Variants in FER observed in about 807,000 individuals in gnomAD.
The protein encoded by FER is FER tyrosine kinase.
A neutral mutation model predicts 111.0 loss-of-function variants in FER; 63 were observed. That is an observed-to-expected ratio of 0.57 (90% confidence interval 0.46 to 0.70). FER has a LOEUF of 0.70. Among genes scored for constraint, FER ranks in the 30% least tolerant of loss-of-function variants. The pLI is 0.00. For synonymous variants in FER, 327 were observed against 313.9 expected (o/e 1.04, Z -0.44); for missense variants, 914 against 954.0 (o/e 0.96, Z 0.55).
chr5:108,918,226 G>A (rs1752513471), intron 10 of FER, among the ~76,000 whole-genome samples: 1 of 152,126 alleles, frequency 6.6e-6, no homozygotes, highest in African/African-American at 2.4e-5. Context: ...TCATTGTATT[G>A]AGCCCTGATA....
chr5:109,000,961 T>G (rs1250711304), intron 13 of FER, among the ~76,000 whole-genome samples: 1 of 152,058 alleles, frequency 6.6e-6, no homozygotes, highest in Non-Finnish European at 1.5e-5. Context: ...CAGGAAGAAG[T>G]TGAATCTCTG....
At chr5:108,751,120 A>T (rs1364476017) in intron 1 of FER, among the ~76,000 whole-genome samples, 10 of 152,180 alleles carry the variant, frequency 6.6e-5, no homozygotes, top group Admixed American at 6.5e-4. Flanking sequence ...TGAACCCGTG[A>T]GGCGGAGGTT....
At chr5:108,785,109 G>C (rs1754539095) in intron 2 of FER, 1 of 485,552 alleles carries the variant, frequency 2.1e-6, no homozygotes, top group African/African-American at 2.0e-5. Flanking sequence ...GTCTCCTGTA[G>C]CTGGGACAAG....
At chr5:108,991,617 T>G (rs190809188) in intron 13 of FER, among the ~76,000 whole-genome samples, 133 of 152,106 alleles carry the variant, frequency 8.7e-4, no homozygotes, top group Non-Finnish European at 8.8e-4. Context: ...CAGATAAACT[T>G]TTTTTTCTGT....
At chr5:109,021,631 A>G (rs546980039) in intron 13 of FER, among the ~76,000 whole-genome samples, 3 of 152,214 alleles carry the variant, frequency 2.0e-5, no homozygotes, top group South Asian at 4.1e-4. Context: ...ACTTTATAAC[A>G]TTACTGAAGC....
Position 109,187,603 on chromosome 5 carries a change from C to T in FER, c.*28C>T, listed in dbSNP as rs752251859. ...ACAGGATGGCGCCAAACTCAGCCTT[C>T]AGGACTCTGTCCTCCAGCAGAGTAA... On this transcript the variant is annotated 3_prime_UTR_variant, in exon 20 of 20. Coordinates refer to ENST00000281092, the MANE Select transcript of FER (RefSeq NM_005246.4). 1.2e-6 allele frequency: 2 copies of T among 1,613,272 alleles called. No individual in the cohort carries two copies. The highest frequency in any genetic ancestry group is 4.5e-5 in the East Asian group (2 of 44,834).
chr5:108,992,590 G>T (rs559041666), intron 13 of FER, among the ~76,000 whole-genome samples: 6 of 151,130 alleles, frequency 4.0e-5, no homozygotes, highest in African/African-American at 1.2e-4. Context: ...GGGCAGAGGC[G>T]CCCCTTACCT....
In FER at chr5:108,899,432, A is replaced by G. The variant is rs570399813; in HGVS notation, c.1236+1584A>G. Among the ~76,000 whole-genome samples the G allele has an allele frequency of 3.9e-5, 6 of 152,220 alleles. No individual in the cohort carries two copies. In the South Asian group the frequency reaches 1.2e-3, roughly 32 times the overall value. ...CTTTTGTTTGGCTTTGGAATATCTT[A>G]TCTAGTAAATCTTTTGTTCACTGAG... On this transcript the variant is annotated intron_variant, in intron 10 of 19. Coordinates refer to ENST00000281092, the MANE Select transcript of FER (RefSeq NM_005246.4).
chr5:108,876,864 ATTC>A (rs1430784922), intron 8 of FER, among the ~76,000 whole-genome samples: 1 of 152,216 alleles, frequency 6.6e-6, no homozygotes, highest in Admixed American at 6.5e-5. Flanking sequence ...AAAAATTTTC[ATTC>A]TTCTCATTAA....
chr5:108,884,512 G>GTTTTTTTTTTTTTTTTTT (rs776345488), intron 9 of FER, among the ~76,000 whole-genome samples: 4 of 144,586 alleles, frequency 2.8e-5, no homozygotes, highest in African/African-American at 5.1e-5. Flanking sequence ...CTTATGCCTG[G>GTTTTTTTTTTTTTTTTTT]TTTTTTTTTT....
At chr5:109,043,969 CAGAAAAAAAA>C (rs1430531552) in intron 14 of FER, among the ~76,000 whole-genome samples, 2 of 146,232 alleles carry the variant, frequency 1.4e-5, no homozygotes, top group East Asian at 4.0e-4. Context: ...GACTCTGTCT[CAGAAAAAAAA>C]AGAAAAAAAA....
chr5:108,751,903 C>G (rs1750550754), intron 1 of FER, among the ~76,000 whole-genome samples: 1 of 151,894 alleles, frequency 6.6e-6, no homozygotes. Context: ...TTGTGTACAC[C>G]TTTTTAAGTA....
chr5:109,180,003 T>G (rs1270057765), intron 17 of FER, among the ~76,000 whole-genome samples: 1 of 152,122 alleles, frequency 6.6e-6, no homozygotes, highest in East Asian at 1.9e-4. Context: ...TATGCAAAAC[T>G]GGAAGAACAC....
At chr5:108,850,687 A>G (rs1370689610) in intron 5 of FER, among the ~76,000 whole-genome samples, 1 of 152,144 alleles carries the variant, frequency 6.6e-6, no homozygotes, top group Non-Finnish European at 1.5e-5. Context: ...GCTGCAAAGA[A>G]TATCTGTGTA....
intron 16 of FER, among the ~76,000 whole-genome samples, chr5:109,083,867 C>T (rs546359492): frequency 6.6e-6 from 1 of 152,028 alleles, no homozygotes; most frequent in Non-Finnish European, 1.5e-5. Flanking sequence ...GGCTCATCCC[C>T]AATACCACCA....
intron 16 of FER, among the ~76,000 whole-genome samples, chr5:109,089,249 T>C (rs1362023430): frequency 1.3e-5 from 2 of 152,196 alleles, no homozygotes; most frequent in Non-Finnish European, 2.9e-5. Context: ...TTGAGAATTT[T>C]TTTAAAATAG....
intron 16 of FER, among the ~76,000 whole-genome samples, chr5:109,059,601 C>G (rs1774120995): frequency 6.6e-6 from 1 of 152,108 alleles, no homozygotes; most frequent in Non-Finnish European, 1.5e-5. Flanking sequence ...TTCCTCTCTC[C>G]CTCTTATTTC....
intron 10 of FER, among the ~76,000 whole-genome samples, chr5:108,924,258 ACT>A (rs1297541277): frequency 4.0e-5 from 6 of 151,198 alleles, no homozygotes; most frequent in African/African-American, 1.2e-4. Context: ...TACTCAGGAG[ACT>A]CAGGCAGGAT....
chr5:109,001,251 T>C (rs376596836), intron 13 of FER, among the ~76,000 whole-genome samples: 1 of 152,174 alleles, frequency 6.6e-6, no homozygotes, highest in African/African-American at 2.4e-5. Flanking sequence ...ACTGGCAAAC[T>C]GAATCCAGCA....
Sources: allele counts gnomAD v4.1 joint callset (sites outside exome capture counted in the v4.1 genomes callset), GRCh38; gene constraint gnomAD v4.1.1; transcripts MANE v1.5; gene names NCBI Gene and HGNC (gene_info 2026-07-23, HGNC 2026-07-21).